Variants in GNA12 observed in about 807,000 individuals in gnomAD.
GNA12 encodes the protein G protein subunit alpha 12, also known as guanine nucleotide-binding protein subunit alpha-12.
In GNA12, 9 loss-of-function variants were observed where a neutral mutation model predicts 26.0. The ratio of observed to expected loss-of-function variants is 0.35; its 90% CI spans 0.21 to 0.60. The LOEUF (loss-of-function observed/expected upper bound fraction) is 0.60, where lower values mean the gene tolerates loss of function less well. GNA12 is among the 20% of genes least tolerant of loss of function. The pLI is 0.78. For missense variants in GNA12, 405 were observed against 525.8 expected, an observed-to-expected ratio of 0.77 and a Z score of 2.25; for synonymous variants, 264 against 219.6, an observed-to-expected ratio of 1.20 and a Z score of -1.79.
At chr7:2,745,113 A>T (rs1044205528) in intron 2 of GNA12, among the ~76,000 whole-genome samples, 1 of 152,218 alleles carries the variant, frequency 6.6e-6, no homozygotes, top group African/African-American at 2.4e-5. Flanking sequence ...TTATCCAGGA[A>T]AACTTCCCCA....
intron 1 of GNA12, among the ~76,000 whole-genome samples, chr7:2,804,678 TC>T (rs1792900434): frequency 6.6e-6 from 1 of 152,208 alleles, no homozygotes; most frequent in Non-Finnish European, 1.5e-5. Context: ...TTAAACATAT[TC>T]TTGGCCCATT....
chr7:2,754,656 A>G (rs930911574), intron 2 of GNA12, among the ~76,000 whole-genome samples: 6 of 152,068 alleles, frequency 3.9e-5, no homozygotes, highest in African/African-American at 1.4e-4. Flanking sequence ...GGCTGGGACA[A>G]GAGGACTGCT....
intron 2 of GNA12, among the ~76,000 whole-genome samples, chr7:2,738,497 G>A (rs925079911): frequency 3.9e-5 from 6 of 152,272 alleles, no homozygotes; most frequent in African/African-American, 7.2e-5. Context: ...CACAAGGCAC[G>A]AAACAACGCA....
intron 2 of GNA12, among the ~76,000 whole-genome samples, chr7:2,758,766 C>T (rs951279527): frequency 1.3e-5 from 2 of 152,176 alleles, no homozygotes; most frequent in Non-Finnish European, 2.9e-5. Context: ...ACCTCTGGTT[C>T]AGTGGATAAT....
intron 1 of GNA12, among the ~76,000 whole-genome samples, chr7:2,820,698 G>C (rs753570383): frequency 6.6e-6 from 1 of 152,158 alleles, no homozygotes; most frequent in Non-Finnish European, 1.5e-5. Flanking sequence ...CCTGGCCTCT[G>C]CCCTGTAATC....
At chr7:2,753,975 G>T (rs1374515725) in intron 2 of GNA12, among the ~76,000 whole-genome samples, 1 of 152,102 alleles carries the variant, frequency 6.6e-6, no homozygotes, top group Non-Finnish European at 1.5e-5. Context: ...TAGGTGCTTT[G>T]TTCACTTGGA....
chr7:2,793,771 T>C (rs1792579063), intron 2 of GNA12, among the ~76,000 whole-genome samples: 1 of 151,118 alleles, frequency 6.6e-6, no homozygotes, highest in Non-Finnish European at 1.5e-5. Context: ...CAGTCTCTGC[T>C]ACTCGGGAGG....
intron 1 of GNA12, chr7:2,814,415 T>G (rs1416999926): frequency 7.5e-7 from 1 of 1,327,998 alleles, no homozygotes; most frequent in South Asian, 1.2e-5. Context: ...TAAGAATTCC[T>G]ATAATCTGAA....
chr7:2,777,724 C>G (rs1792114466), intron 2 of GNA12, among the ~76,000 whole-genome samples: 1 of 152,152 alleles, frequency 6.6e-6, no homozygotes, highest in African/African-American at 2.4e-5. Context: ...AGCCTCTGAA[C>G]TGTGAAAAAT....
chr7:2,820,074 A>G (rs904216762), intron 1 of GNA12, among the ~76,000 whole-genome samples: 5 of 152,246 alleles, frequency 3.3e-5, no homozygotes, highest in African/African-American at 1.2e-4. Context: ...TACAGCATGG[A>G]TGAACTTTGA....
At chr7:2,787,635 A>C (rs1792395794) in intron 2 of GNA12, among the ~76,000 whole-genome samples, 1 of 152,248 alleles carries the variant, frequency 6.6e-6, no homozygotes, top group African/African-American at 2.4e-5. Flanking sequence ...CAGAGGCTTA[A>C]ACAAGATAGG....
chr7:2,733,963 G>T (rs1243571690), intron 2 of GNA12, among the ~76,000 whole-genome samples: 1 of 152,242 alleles, frequency 6.6e-6, no homozygotes, highest in Non-Finnish European at 1.5e-5. Context: ...TGACGAAAAG[G>T]AGCATCTAGC....
At chr7:2,806,869 T>C (rs1792963433) in intron 1 of GNA12, among the ~76,000 whole-genome samples, 1 of 152,194 alleles carries the variant, frequency 6.6e-6, no homozygotes, top group Non-Finnish European at 1.5e-5. Flanking sequence ...ATCCCTATTT[T>C]CACATATATG....
chr7:2,736,267 G>C (rs2115303769), intron 2 of GNA12, among the ~76,000 whole-genome samples: 1 of 152,316 alleles, frequency 6.6e-6, no homozygotes, highest in South Asian at 2.1e-4. Context: ...AACGGCTGCT[G>C]CGGTCACACG....
chr7:2,740,030 G>A (rs1004449272), intron 2 of GNA12, among the ~76,000 whole-genome samples: 9 of 152,222 alleles, frequency 5.9e-5, no homozygotes, highest in South Asian at 4.2e-4. Flanking sequence ...TCTCCACGGC[G>A]GCTGCACAAG....
chr7:2,744,197 G>A (rs999762212), intron 2 of GNA12, among the ~76,000 whole-genome samples: 1 of 152,242 alleles, frequency 6.6e-6, no homozygotes, highest in African/African-American at 2.4e-5. Flanking sequence ...CGCAGCTGGA[G>A]ATCTGAGAAC....
chr7:2,770,787 A>G (rs1273218040), intron 2 of GNA12, among the ~76,000 whole-genome samples: 6 of 152,216 alleles, frequency 3.9e-5, no homozygotes, highest in Non-Finnish European at 5.9e-5. Context: ...ACGTAGGACG[A>G]TTACAAATCA....
chr7:2,742,698 T>C (rs1374693283), intron 2 of GNA12, among the ~76,000 whole-genome samples: 1 of 152,244 alleles, frequency 6.6e-6, no homozygotes, highest in East Asian at 1.9e-4. Context: ...ATGAGGCCTT[T>C]AATTCCTCTT....
chr7:2,843,067 G>C (rs907409028), intron 1 of GNA12, among the ~76,000 whole-genome samples: 9 of 152,176 alleles, frequency 5.9e-5, no homozygotes, highest in African/African-American at 2.2e-4. Flanking sequence ...TGGGAGGATG[G>C]CTTGAGACCA....
Sources: gnomAD v4.1 joint callset for allele counts (sites outside exome capture counted in the v4.1 genomes callset) on GRCh38, gnomAD v4.1.1 for gene constraint, MANE v1.5 for transcripts, NCBI Gene and HGNC (gene_info 2026-07-23, HGNC 2026-07-21) for gene names.